Variants in BICC1 observed in about 807,000 individuals in gnomAD.
BICC1 encodes BicC family RNA binding protein 1.
BICC1 carries 43 observed loss-of-function variants against 111.0 expected under a neutral mutation model. That is an observed-to-expected ratio of 0.39 (90% CI 0.30 to 0.50). BICC1 has a LOEUF of 0.50. BICC1 is among the 20% of genes least tolerant of loss of function. The pLI, the probability that BICC1 is intolerant of heterozygous loss-of-function variation, is 0.88. For missense variants in BICC1, 1,091 were observed against 1,203.2 expected (o/e 0.91, Z 1.38); for synonymous variants, 467 against 434.4 (o/e 1.07, Z -0.93).
At chr10:58,599,761 G>A (rs1178870868) in intron 1 of BICC1, among the ~76,000 whole-genome samples, 1 of 152,092 alleles carries the variant, frequency 6.6e-6, no homozygotes, top group Non-Finnish European at 1.5e-5. Context: ...ACCTGTTCAA[G>A]GCACATCTCT....
intron 2 of BICC1, among the ~76,000 whole-genome samples, chr10:58,678,783 G>A (rs966032393): frequency 7.2e-5 from 11 of 152,076 alleles, no homozygotes; most frequent in Non-Finnish European, 1.3e-4. Context: ...CACATAATTG[G>A]AAGTAAAACA....
intron 2 of BICC1, among the ~76,000 whole-genome samples, chr10:58,696,410 G>A (rs190285581): frequency 2.0e-5 from 3 of 151,632 alleles, no homozygotes; most frequent in African/African-American, 7.3e-5. Flanking sequence ...ATATTCTTTG[G>A]GCAAGCCCTT....
At chr10:58,759,952 C>T (rs574199039) in intron 3 of BICC1, among the ~76,000 whole-genome samples, 4 of 125,966 alleles carry the variant, frequency 3.2e-5, no homozygotes, top group Non-Finnish European at 4.9e-5. Flanking sequence ...GAGTGAGACT[C>T]GTCTCAAAAG....
chr10:58,693,195 A>G (rs541530443), intron 2 of BICC1, among the ~76,000 whole-genome samples: 1 of 152,206 alleles, frequency 6.6e-6, no homozygotes, highest in Non-Finnish European at 1.5e-5. Flanking sequence ...TGAACTCATC[A>G]TTTTTTATGG....
At chr10:58,568,769 C>T (rs1843850538) in intron 1 of BICC1, among the ~76,000 whole-genome samples, 1 of 152,130 alleles carries the variant, frequency 6.6e-6, no homozygotes, top group Admixed American at 6.5e-5. Flanking sequence ...CCTTGCCTTC[C>T]CTCAACTCAG....
intron 3 of BICC1, among the ~76,000 whole-genome samples, chr10:58,710,523 G>A (rs909043232): frequency 3.3e-5 from 5 of 152,096 alleles, no homozygotes; most frequent in South Asian, 2.1e-4. Context: ...AGATTTTACC[G>A]TTTAAAAAGA....
intron 20 of BICC1, among the ~76,000 whole-genome samples, chr10:58,823,034 A>G (rs1844297418): frequency 6.6e-6 from 1 of 152,102 alleles, no homozygotes; most frequent in South Asian, 2.1e-4. Context: ...GAGATGGATC[A>G]AAGTATAAAT....
intron 3 of BICC1, among the ~76,000 whole-genome samples, chr10:58,732,698 T>G (rs1841354714): frequency 6.6e-6 from 1 of 151,792 alleles, no homozygotes; most frequent in African/African-American, 2.4e-5. Context: ...GGAGGATTGC[T>G]TGAGCCCAGG....
chr10:58,806,932 C>A, intron 16 of BICC1, 72 bp from the exon 17 acceptor site: 2 of 1,352,444 alleles, frequency 1.5e-6, no homozygotes, highest in Non-Finnish European at 2.0e-6. Context: ...AAAGAAACGA[C>A]ACTTATCATC....
In BICC1 at chr10:58,796,383, A is replaced by G; in HGVS notation, c.1223A>G (p.Tyr408Cys). The change falls in exon 10 of 21, where the codon TAT (tyrosine) becomes TGT (cysteine). Residue 408 changes from tyrosine (Y) to cysteine (C), a missense_variant. This residue lies in a region of BICC1 where 843 missense variants were observed against 900.8 expected (regional missense o/e 0.94). Coordinates refer to ENST00000373886, the MANE Select transcript of BICC1 (RefSeq NM_001080512.3). Reference sequence around the variant, plus strand: ...GTTGAGCGAAATGCCTTAAATATGTATGAAGCAAGGAAATGTCTCCTCGGA... The same window carrying G: ...GTTGAGCGAAATGCCTTAAATATGTGTGAAGCAAGGAAATGTCTCCTCGGA... ...KSVERNALNMYEARKCLLGLE... is the reference protein window; with the variant it reads ...KSVERNALNMCEARKCLLGLE... The G allele has an allele frequency of 1.2e-6, 2 of 1,613,990 alleles. No individual in the cohort carries two copies. Among genetic ancestry groups the G allele is most frequent in the Non-Finnish European group, 1.7e-6 (2 of 1,179,980 alleles).
intron 3 of BICC1, among the ~76,000 whole-genome samples, chr10:58,783,597 TG>T (rs1842936226): frequency 1.1e-5 from 1 of 92,884 alleles, no homozygotes; most frequent in Non-Finnish European, 2.3e-5. Flanking sequence ...CAGGCGGAAC[TG>T]GTGGTAAATT....
At chr10:58,600,724 C>T (rs1363427694) in intron 1 of BICC1, among the ~76,000 whole-genome samples, 1 of 152,082 alleles carries the variant, frequency 6.6e-6, no homozygotes, top group African/African-American at 2.4e-5. Flanking sequence ...TCAGCCTGCT[C>T]AGTGTGCAGG....
intron 2 of BICC1, among the ~76,000 whole-genome samples, chr10:58,622,578 A>G (rs1038592089): frequency 1.3e-5 from 2 of 152,200 alleles, no homozygotes; most frequent in Non-Finnish European, 2.9e-5. Flanking sequence ...ACTAGATGGG[A>G]GTACATTTTA....
chr10:58,513,851 C>T (rs1399981865), intron 1 of BICC1, among the ~76,000 whole-genome samples: 1 of 152,192 alleles, frequency 6.6e-6, no homozygotes, highest in Admixed American at 6.5e-5. Context: ...GGAGCTCCCG[C>T]CCCCACCCCT....
chr10:58,735,749 A>G (rs1232500683), intron 3 of BICC1, among the ~76,000 whole-genome samples: 1 of 152,234 alleles, frequency 6.6e-6, no homozygotes, highest in Admixed American at 6.5e-5. Flanking sequence ...TAAGATCCTC[A>G]GTGAATATTG....
At chr10:58,639,265 G>C (rs1178542300) in intron 2 of BICC1, among the ~76,000 whole-genome samples, 1 of 152,148 alleles carries the variant, frequency 6.6e-6, no homozygotes, top group Non-Finnish European at 1.5e-5. Flanking sequence ...CCAAGAAGCA[G>C]CTCACAGAGC....
chr10:58,532,488 A>G (rs1206447960), intron 1 of BICC1, among the ~76,000 whole-genome samples: 1 of 151,856 alleles, frequency 6.6e-6, no homozygotes, highest in East Asian at 1.9e-4. Flanking sequence ...AATTATTGAT[A>G]CTTTACAAAA....
At position 58,671,982 on chromosome 10, in the gene BICC1, C is replaced by T. The variant is rs146473270; in HGVS notation, c.238-30092C>T. Among the ~76,000 whole-genome samples, 4 of 152,280 alleles carry T rather than the reference C, an allele frequency of 2.6e-5. No homozygotes were observed. The East Asian group carries it at 7.7e-4, about 29-fold the overall frequency. On this transcript the variant is annotated intron_variant, in intron 2 of 20. Transcript: ENST00000373886. ...TCTATGACTTTGTTGTTGTCTACCA[C>T]CATTCTGGAAGCTCGTTCCCTGTCA...
At position 58,667,494 on chromosome 10, in the gene BICC1, A is replaced by G. The variant is rs147869911; in HGVS notation, c.238-34580A>G. ...AATTCTCAGGGTTCAAGGAATTCTTATATTTCCCTTTCAAAGGTCTGGATG... is the reference window on the plus strand; with the variant it reads ...AATTCTCAGGGTTCAAGGAATTCTTGTATTTCCCTTTCAAAGGTCTGGATG... On this transcript the variant is annotated intron_variant, in intron 2 of 20. Transcript: ENST00000373886. Among the ~76,000 whole-genome samples, 4 of 1,354 alleles carry G rather than the reference A, an allele frequency of 3.0e-3. No individual in the cohort carries two copies. In the Admixed American group the frequency reaches 0.035, roughly 12 times the overall value. The allele number at this position is 1,354 out of a possible 152,430, so 0.9% of individuals were successfully genotyped here.
Sources: allele counts gnomAD v4.1 joint callset (sites outside exome capture counted in the v4.1 genomes callset), GRCh38; gene constraint gnomAD v4.1.1; regional missense constraint gnomAD v4.1.1; transcripts MANE v1.5; gene names NCBI Gene and HGNC (gene_info 2026-07-23, HGNC 2026-07-21).